RAB18: variants seen among roughly 807,000 people sequenced by gnomAD.
RAB18 encodes RAB18, member RAS oncogene family.
Under a neutral mutation model 28.5 loss-of-function variants are expected in RAB18, and 10 were observed. The observed-to-expected ratio is 0.35, with a 90% CI of 0.22 to 0.60. RAB18 has a LOEUF of 0.60. RAB18 is among the 20% of genes least tolerant of loss of function. RAB18 has a pLI of 0.78. For synonymous variants in RAB18, 93 were observed against 86.9 expected (o/e 1.07, Z -0.39); for missense variants, 188 against 244.2 (o/e 0.77, Z 1.53).
intron 2 of RAB18, among the ~76,000 whole-genome samples, chr10:27,518,196 C>T (rs577385510): frequency 2.0e-5 from 3 of 152,232 alleles, no homozygotes; most frequent in Non-Finnish European, 2.9e-5. Flanking sequence ...CTGTTGTAAA[C>T]ATTCAGGTAT....
chr10:27,531,431 G>C, intron 3 of RAB18: 2 of 1,433,366 alleles, frequency 1.4e-6, no homozygotes, highest in Non-Finnish European at 1.8e-6. Flanking sequence ...ATATCTGGGG[G>C]AGCTTCTGCT....
rs11015862 is a variant in RAB18 at position 27,541,635 on chromosome 10, C to T, written c.*3584C>T. 15,299 of 427,588 alleles carry T rather than the reference C, an allele frequency of 0.036. 1,086 individuals are homozygous for T. Among genetic ancestry groups the T allele is most frequent in the East Asian group, 0.31 (4,348 of 14,104 alleles). The allele number at this position is 427,588 out of a possible 1,614,324, so 26.5% of individuals were successfully genotyped here. ...CGTTTCTCATGCAGGTTATTTCTTG[C>T]TTTTTTTTTTTTTCCTCTTTTTTAA... On this transcript the variant is annotated 3_prime_UTR_variant, in exon 7 of 7. Coordinates refer to ENST00000356940, the MANE Select transcript of RAB18 (RefSeq NM_021252.5).
At chr10:27,517,485 A>C (rs1834460732) in intron 2 of RAB18, among the ~76,000 whole-genome samples, 1 of 151,728 alleles carries the variant, frequency 6.6e-6, no homozygotes, top group African/African-American at 2.4e-5. Flanking sequence ...CAAAATCAGC[A>C]AATCTTTTGA....
At position 27,540,912 on chromosome 10, in the gene RAB18, T is replaced by C. The variant is rs1417844726; in HGVS notation, c.*2861T>C. 1 of 454,088 alleles carries C rather than the reference T, an allele frequency of 2.2e-6. No homozygotes were observed. The highest frequency in any genetic ancestry group is 1.6e-5 in the South Asian group (1 of 64,470). 28.1% of individuals were successfully genotyped at this position (454,088 alleles called of 1,614,324 possible). A position where few individuals can be genotyped will look rare whatever the true frequency, so the allele number is the denominator to read the frequency against. ...AGCACCATAGCTCATAAAAGAATCC[T>C]TCTTACACCAGTACTTGTTCTGCCT... On this transcript the variant is annotated 3_prime_UTR_variant, in exon 7 of 7. Transcript: ENST00000356940.
At position 27,539,102 on chromosome 10, in the gene RAB18, C is replaced by G. The variant is rs1342119321; in HGVS notation, c.*1051C>G. The G allele has an allele frequency of 2.4e-6, 1 of 418,362 alleles. No individual in the cohort carries two copies. Among genetic ancestry groups the G allele is most frequent in the Non-Finnish European group, 4.8e-6 (1 of 209,788 alleles). 25.9% of individuals were successfully genotyped at this position (418,362 alleles called of 1,614,324 possible). Reference sequence around the variant, plus strand: ...ATGAAAATCTTGACAATTTACTTAACAAGTAACCAGTAGTTCATCAAAACC... The same window carrying G: ...ATGAAAATCTTGACAATTTACTTAAGAAGTAACCAGTAGTTCATCAAAACC... On this transcript the variant is annotated 3_prime_UTR_variant, in exon 7 of 7. Transcript: ENST00000356940.
intron 2 of RAB18, 103 bp downstream of exon 2, chr10:27,510,033 C>A: frequency 1.2e-6 from 1 of 862,104 alleles, no homozygotes; most frequent in Non-Finnish European, 2.0e-6. Context: ...CCCACTGCCT[C>A]CATGTCTGTT....
At chr10:27,523,939 C>T (rs968078896) in intron 2 of RAB18, among the ~76,000 whole-genome samples, 1 of 151,192 alleles carries the variant, frequency 6.6e-6, no homozygotes, top group African/African-American at 2.4e-5. Context: ...ATTAGCCGGG[C>T]GTGGTGGCAG....
rs957863800 is a variant in RAB18 at position 27,532,999 on chromosome 10, A to G, written c.259+420A>G. Reference sequence around the variant, plus strand: ...ACAAAGCACTTAACACTATTGATTTATAATCAAACAAAATTTAGAAACCAG... The same window carrying G: ...ACAAAGCACTTAACACTATTGATTTGTAATCAAACAAAATTTAGAAACCAG... On this transcript the variant is annotated intron_variant, in intron 4 of 6. Transcript: ENST00000356940. 6.6e-5 allele frequency among the ~76,000 whole-genome samples: 10 copies of G among 152,250 alleles called. No individual in the cohort carries two copies. In the East Asian group the frequency reaches 1.3e-3, roughly 21 times the overall value.
chr10:27,527,363 C>G (rs980210124), intron 3 of RAB18, among the ~76,000 whole-genome samples: 1 of 151,940 alleles, frequency 6.6e-6, no homozygotes, highest in Admixed American at 6.6e-5. Context: ...TCCTTACTGG[C>G]TTCTTTTCGT....
rs905319501 is a variant in RAB18 at position 27,539,518 on chromosome 10, A to G, written c.*1467A>G. The G allele has an allele frequency of 1.6e-5, 6 of 377,002 alleles. No individual in the cohort carries two copies. Among genetic ancestry groups the G allele is most frequent in the East Asian group, 7.2e-5 (1 of 13,864 alleles). The allele number at this position is 377,002 out of a possible 1,614,324, so 23.4% of individuals were successfully genotyped here. Reference sequence around the variant, plus strand: ...TGTGGTTGAAGGTTTTATACATTCTATATGCTTTTACTAAATATACAAGAT... The same window carrying G: ...TGTGGTTGAAGGTTTTATACATTCTGTATGCTTTTACTAAATATACAAGAT... On this transcript the variant is annotated 3_prime_UTR_variant, in exon 7 of 7. Coordinates refer to ENST00000356940, the MANE Select transcript of RAB18 (RefSeq NM_021252.5).
intron 2 of RAB18, among the ~76,000 whole-genome samples, chr10:27,525,111 A>G (rs1190385113): frequency 6.6e-6 from 1 of 152,256 alleles, no homozygotes; most frequent in Admixed American, 6.5e-5. Context: ...TTGCAGAACC[A>G]GGAAATAATA....
intron 2 of RAB18, among the ~76,000 whole-genome samples, chr10:27,523,119 T>A (rs767218442): frequency 6.6e-6 from 1 of 152,086 alleles, no homozygotes; most frequent in Non-Finnish European, 1.5e-5. Context: ...TTTTCTAATA[T>A]GGGTGTTTAG....
rs1450384360 is a variant in RAB18 at position 27,541,992 on chromosome 10, G to T, written c.*3941G>T. ...CAGACCAGACTACTGAGATAAAGATGTTTGCCTAGGCTTTTTCAGGAGCAA... is the reference window on the plus strand; with the variant it reads ...CAGACCAGACTACTGAGATAAAGATTTTTGCCTAGGCTTTTTCAGGAGCAA... On this transcript the variant is annotated 3_prime_UTR_variant, in exon 7 of 7. Transcript: ENST00000356940. 1 of 454,088 alleles carries T rather than the reference G, an allele frequency of 2.2e-6. No homozygotes were observed. Among genetic ancestry groups the T allele is most frequent in the Non-Finnish European group, 4.4e-6 (1 of 226,790 alleles). 28.1% of individuals were successfully genotyped at this position (454,088 alleles called of 1,614,324 possible).
chr10:27,518,836 T>C (rs1158567655), intron 2 of RAB18, among the ~76,000 whole-genome samples: 1 of 150,796 alleles, frequency 6.6e-6, no homozygotes, highest in Non-Finnish European at 1.5e-5. Context: ...ATCTTTTGCC[T>C]GACAGAAGGT....
chr10:27,531,395 C>G (rs1834785201), intron 3 of RAB18: 1 of 1,356,102 alleles, frequency 7.4e-7, no homozygotes, highest in Non-Finnish European at 9.7e-7. Flanking sequence ...TCTTATAAAC[C>G]TCTTACAGGT....
At position 27,513,130 on chromosome 10, in the gene RAB18, G is replaced by T. The variant is rs146953551; in HGVS notation, c.124+3200G>T. On this transcript the variant is annotated intron_variant, in intron 2 of 6. Transcript: ENST00000356940. ...GCTCACTGCAATCTCCGCCTCCCAGGTTCAAGTGATTCTTCTGCCTCAGCC... is the reference window on the plus strand; with the variant it reads ...GCTCACTGCAATCTCCGCCTCCCAGTTTCAAGTGATTCTTCTGCCTCAGCC... Among the ~76,000 whole-genome samples the T allele has an allele frequency of 5.0e-3, 757 of 151,476 alleles. 6 individuals are homozygous for T. Among genetic ancestry groups the T allele is most frequent in the African/African-American group, 0.017 (703 of 41,278 alleles).
rs1316487512 is a variant in RAB18 at position 27,539,978 on chromosome 10, A to C, written c.*1927A>C. 4.4e-6 allele frequency: 2 copies of C among 453,340 alleles called. No individual in the cohort carries two copies. Among genetic ancestry groups the C allele is most frequent in the African/African-American group, 4.0e-5 (2 of 49,948 alleles). 28.1% of individuals were successfully genotyped at this position (453,340 alleles called of 1,614,324 possible). ...GTAGTGGAGGTTTTGTAAATGAAAC[A>C]GTTGTAATATCTAAGGTCAGGCACC... On this transcript the variant is annotated 3_prime_UTR_variant, in exon 7 of 7. Coordinates refer to ENST00000356940, the MANE Select transcript of RAB18 (RefSeq NM_021252.5).
Position 27,541,772 on chromosome 10 carries a change from T to C in RAB18, c.*3721T>C. On this transcript the variant is annotated 3_prime_UTR_variant, in exon 7 of 7. Coordinates refer to ENST00000356940, the MANE Select transcript of RAB18 (RefSeq NM_021252.5). ...TTTGTGACTGACTTTAATTTCTTGT[T>C]TGTGTGTGCTGTGGCTGCCCGATCC... 4.4e-6 allele frequency: 2 copies of C among 453,906 alleles called. No homozygotes were observed. Among genetic ancestry groups the C allele is most frequent in the South Asian group, 3.1e-5 (2 of 64,466 alleles). The allele number at this position is 453,906 out of a possible 1,614,324, so 28.1% of individuals were successfully genotyped here.
chr10:27,541,670 C>T lies in RAB18; in HGVS notation c.*3619C>T, dbSNP rs1346257041. 2 of 447,978 alleles carry T rather than the reference C, an allele frequency of 4.5e-6. No individual in the cohort carries two copies. The highest frequency in any genetic ancestry group is 4.4e-6 in the Non-Finnish European group (1 of 225,472). 27.8% of individuals were successfully genotyped at this position (447,978 alleles called of 1,614,324 possible). A position where few individuals can be genotyped will look rare whatever the true frequency, so the allele number is the denominator to read the frequency against. ...TTTTCCTCTTTTTTAACCGGAGAAG[C>T]AACAAATTACGTAGTTTTTTTTGTG... On this transcript the variant is annotated 3_prime_UTR_variant, in exon 7 of 7. Coordinates refer to ENST00000356940, the MANE Select transcript of RAB18 (RefSeq NM_021252.5).
Sources: gnomAD v4.1 joint callset for allele counts (sites outside exome capture counted in the v4.1 genomes callset) on GRCh38, gnomAD v4.1.1 for gene constraint, MANE v1.5 for transcripts, NCBI Gene and HGNC (gene_info 2026-07-23, HGNC 2026-07-21) for gene names.